The following USP6NL variants were observed in gnomAD, a reference collection of about 807,000 sequenced individuals.
USP6NL encodes USP6 N-terminal-like protein.
USP6NL carries 26 observed loss-of-function variants against 61.9 expected under a neutral mutation model. The ratio of observed to expected loss-of-function variants is 0.42; its 90% CI spans 0.31 to 0.58. The LOEUF (loss-of-function observed/expected upper bound fraction) is 0.58, where lower values mean the gene tolerates loss of function less well. USP6NL is among the 20% of genes least tolerant of loss of function. The probability of loss-of-function intolerance (pLI) is 0.16; values close to 1 mark genes in which losing one functional copy is unlikely to be tolerated. For missense variants in USP6NL, 1,114 were observed against 1,034.3 expected (o/e 1.08, Z -1.06); for synonymous variants, 432 against 390.1 (o/e 1.11, Z -1.27).
rs1833889564 is a variant in USP6NL, at chr10:11,495,621, A to C, written c.385-2393T>G. Among the ~76,000 whole-genome samples the C allele has an allele frequency of 6.6e-6, 1 of 152,104 alleles. No individual in the cohort carries two copies. Among genetic ancestry groups the C allele is most frequent in the Admixed American group, 6.5e-5 (1 of 15,268 alleles). On this transcript the variant is annotated intron_variant, in intron 7 of 14. Transcript: ENST00000609104. This position sits in a 1 kb window ranked among gnomAD's most constrained non-coding sequence, Gnocchi z 4.6. ...GTTTTTCATTACTAATATTTGTTAT[A>C]TTCATAAGCTCTGTTGTTTTTGAGT...
chr10:11,536,283 A>G (rs1438042021), intron 2 of USP6NL, among the ~76,000 whole-genome samples: 1 of 152,156 alleles, frequency 6.6e-6, no homozygotes, highest in Non-Finnish European at 1.5e-5. Context: ...TTGGGAGATC[A>G]TCTAGAATCC....
intron 2 of USP6NL, among the ~76,000 whole-genome samples, chr10:11,535,972 G>C (rs1054352875): frequency 1.4e-4 from 21 of 152,268 alleles, no homozygotes; most frequent in African/African-American, 4.8e-4. Flanking sequence ...CTAGATCCAA[G>C]GCTGGAAGGA....
At chr10:11,594,845 AG>A (rs1838275439) in intron 2 of USP6NL, among the ~76,000 whole-genome samples, 1 of 152,260 alleles carries the variant, frequency 6.6e-6, no homozygotes, top group Admixed American at 6.5e-5. Flanking sequence ...GTTTGGCTCT[AG>A]GAATGAAATC....
intron 2 of USP6NL, among the ~76,000 whole-genome samples, chr10:11,552,254 G>C (rs1836517329): frequency 6.6e-6 from 1 of 152,100 alleles, no homozygotes; most frequent in Non-Finnish European, 1.5e-5. Flanking sequence ...ATGAAAACCA[G>C]AAAAAGAAAA....
intron 4 of USP6NL, among the ~76,000 whole-genome samples, chr10:11,519,531 G>A (rs1835112366): frequency 6.6e-6 from 1 of 152,182 alleles, no homozygotes; most frequent in South Asian, 2.1e-4. Context: ...CTGGGAGGCT[G>A]ACACAGGAGA....
Position 11,467,748 on chromosome 10 carries a change from G to A in USP6NL, c.1079-3899C>T, listed in dbSNP as rs145253137. 4.5e-4 allele frequency among the ~76,000 whole-genome samples: 68 copies of A among 152,198 alleles called. 1 individual carries two copies. The highest frequency in any genetic ancestry group is 8.9e-4 in the African/African-American group (37 of 41,534). On this transcript the variant is annotated intron_variant, in intron 14 of 14. Coordinates refer to ENST00000609104, the MANE Select transcript of USP6NL (RefSeq NM_014688.5). ...ACAAAAATGACTGAAAGAAATAAACGCTAGTAGTCATTAATATAGTTTTTA... is the reference window on the plus strand; with the variant it reads ...ACAAAAATGACTGAAAGAAATAAACACTAGTAGTCATTAATATAGTTTTTA...
Position 11,518,585 on chromosome 10 carries a change from A to G in USP6NL, c.156-11T>C. On this transcript the variant is annotated splice_polypyrimidine_tract_variant and intron_variant, in intron 4 of 14. Transcript: ENST00000609104. This position sits in a 1 kb window ranked among gnomAD's most constrained non-coding sequence, Gnocchi z 5.3. The stretch of plus-strand genomic sequence containing the variant: ...GGGAGCTCCTCCTCACTGCAGAGGA[A>G]AAACAGTATTATATGAAATTGTTGA... The G allele has an allele frequency of 1.2e-6, 2 of 1,609,646 alleles. No homozygotes were observed. The highest frequency in any genetic ancestry group is 1.7e-6 in the Non-Finnish European group (2 of 1,177,700).
Position 11,510,502 on chromosome 10 carries a change from A to T in USP6NL, c.196-827T>A, listed in dbSNP as rs370735730. 3.6e-4 allele frequency among the ~76,000 whole-genome samples: 55 copies of T among 152,280 alleles called. 1 individual carries two copies. In the South Asian group the frequency reaches 0.011, roughly 29 times the overall value. ...ACACCAGGCTGCCAAAGTTGGGAGAAGTCTCTTGCGTGCCCACTCAAGTGA... is the reference window on the plus strand; with the variant it reads ...ACACCAGGCTGCCAAAGTTGGGAGATGTCTCTTGCGTGCCCACTCAAGTGA... On this transcript the variant is annotated intron_variant, in intron 5 of 14. Transcript: ENST00000609104. This position sits in a 1 kb window ranked among gnomAD's most constrained non-coding sequence, Gnocchi z 4.8.
chr10:11,489,035 T>C lies in USP6NL; in HGVS notation c.664+67A>G. On this transcript the variant is annotated intron_variant, in intron 10 of 14. Transcript: ENST00000609104. This position sits in a 1 kb window ranked among gnomAD's most constrained non-coding sequence, Gnocchi z 5.7. ...CTGTATGTAACTCTTGCAAGCATCTTTGGTTTTGTTTTAATCTACTTTTTT... is the reference window on the plus strand; with the variant it reads ...CTGTATGTAACTCTTGCAAGCATCTCTGGTTTTGTTTTAATCTACTTTTTT... 3 of 1,582,552 alleles carry C rather than the reference T, an allele frequency of 1.9e-6. No individual in the cohort carries two copies. Among genetic ancestry groups the C allele is most frequent in the Non-Finnish European group, 2.6e-6 (3 of 1,160,620 alleles).
intron 2 of USP6NL, among the ~76,000 whole-genome samples, chr10:11,550,827 A>T (rs1836453646): frequency 1.3e-5 from 2 of 152,098 alleles, no homozygotes; most frequent in African/African-American, 4.8e-5. Flanking sequence ...TTGAATAGAC[A>T]CTTCACAAAA....
In USP6NL at chr10:11,525,281, T is replaced by C; in HGVS notation, c.155+105A>G. ...TATCAAAACGCATATTGTAAGACTA[T>C]TCCTTATTCACAGCAATTATATTAA... On this transcript the variant is annotated intron_variant, in intron 4 of 14. Coordinates refer to ENST00000609104, the MANE Select transcript of USP6NL (RefSeq NM_014688.5). The surrounding 1 kb of genome is among the most constrained non-coding windows in gnomAD (Gnocchi z 5.0). The C allele has an allele frequency of 3.3e-6, 3 of 897,372 alleles. No homozygotes were observed. The highest frequency in any genetic ancestry group is 5.0e-6 in the Non-Finnish European group (3 of 603,058). The allele number at this position is 897,372 out of a possible 1,614,324, so 55.6% of individuals were successfully genotyped here. A position where few individuals can be genotyped will look rare whatever the true frequency, so the allele number is the denominator to read the frequency against.
chr10:11,543,725 C>A (rs150687083), intron 2 of USP6NL, among the ~76,000 whole-genome samples: 3 of 150,630 alleles, frequency 2.0e-5, no homozygotes, highest in Non-Finnish European at 4.4e-5. Flanking sequence ...CACAACTGAT[C>A]CATGAGAAAA....
Position 11,601,961 on chromosome 10 carries a change from T to C in USP6NL, c.-83-4244A>G, listed in dbSNP as rs529980817. Among the ~76,000 whole-genome samples the C allele has an allele frequency of 2.0e-5, 3 of 152,226 alleles. No individual in the cohort carries two copies. In the East Asian group the frequency reaches 5.8e-4, roughly 29 times the overall value. ...AGATCCTGTTTTTCTAAGTTGCTAT[T>C]TAGTGAACTGTCCTACCCCCTAAAA... On this transcript the variant is annotated intron_variant, in intron 1 of 14. Coordinates refer to ENST00000609104, the MANE Select transcript of USP6NL (RefSeq NM_014688.5).
chr10:11,529,715 C>A (rs1835569476), intron 2 of USP6NL, among the ~76,000 whole-genome samples: 1 of 152,174 alleles, frequency 6.6e-6, no homozygotes, highest in South Asian at 2.1e-4. Context: ...ATATTCACTA[C>A]CCTATTTTAG....
intron 1 of USP6NL, among the ~76,000 whole-genome samples, chr10:11,604,557 A>G (rs1238996779): frequency 2.0e-5 from 3 of 152,204 alleles, no homozygotes; most frequent in African/African-American, 7.2e-5. Flanking sequence ...GGAGGAAAAT[A>G]ATTTTTTGTG....
At position 11,611,089 on chromosome 10, in the gene USP6NL, A is replaced by C. The variant is rs1838875162; in HGVS notation, c.-84+354T>G. ...GGTCCTGCCCACTGGGGCTCGGGAG[A>C]CGCGACCGAAACTTGCGAGGGAGAC... On this transcript the variant is annotated intron_variant, in intron 1 of 14. Coordinates refer to ENST00000609104, the MANE Select transcript of USP6NL (RefSeq NM_014688.5). The surrounding 1 kb of genome is among the most constrained non-coding windows in gnomAD (Gnocchi z 5.3). Among the ~76,000 whole-genome samples, 1 of 152,038 alleles carries C rather than the reference A, an allele frequency of 6.6e-6. No individual in the cohort carries two copies. Among genetic ancestry groups the C allele is most frequent in the African/African-American group, 2.4e-5 (1 of 41,422 alleles).
rs1591828208 is a variant in USP6NL, at chr10:11,482,210, C to A, written c.926-288G>T. ...TAACCACACCTAGGCATTAGTATTA[C>A]CCCAGAGCAAGAGCTTCTTAGAGAC... is the stretch of plus-strand genomic sequence containing the variant. On this transcript the variant is annotated intron_variant, in intron 13 of 14. Coordinates refer to ENST00000609104, the MANE Select transcript of USP6NL (RefSeq NM_014688.5). The surrounding 1 kb of genome is among the most constrained non-coding windows in gnomAD (Gnocchi z 4.0). Among the ~76,000 whole-genome samples the A allele has an allele frequency of 6.6e-6, 1 of 152,138 alleles. No individual in the cohort carries two copies. Among genetic ancestry groups the A allele is most frequent in the East Asian group, 1.9e-4 (1 of 5,196 alleles).
At chr10:11,497,426 A>G (rs985877129) in intron 7 of USP6NL, among the ~76,000 whole-genome samples, 9 of 151,118 alleles carry the variant, frequency 6.0e-5, no homozygotes, top group Admixed American at 1.3e-4. Context: ...AAAAAAAAAA[A>G]AGAAAGAAAA....
chr10:11,497,585 A>C (rs1219022868), intron 7 of USP6NL, among the ~76,000 whole-genome samples: 1 of 152,248 alleles, frequency 6.6e-6, no homozygotes, highest in Non-Finnish European at 1.5e-5. Flanking sequence ...ATAGGAAGGC[A>C]GAAAAGACCC....
Sources: allele counts gnomAD v4.1 joint callset (sites outside exome capture counted in the v4.1 genomes callset), GRCh38; gene constraint gnomAD v4.1.1; non-coding constraint Gnocchi (gnomAD v3.1); transcripts MANE v1.5; gene names NCBI Gene and HGNC (gene_info 2026-07-23, HGNC 2026-07-21).